Variants in FAT3 observed in about 807,000 individuals in gnomAD.
FAT3 encodes the protein FAT atypical cadherin 3.
FAT3 carries 95 observed loss-of-function variants against 310.2 expected under a neutral mutation model. The observed-to-expected ratio is 0.31, with a 90% CI of 0.26 to 0.36. The LOEUF is 0.36. Ranked by LOEUF, FAT3 falls within the 10% of genes least tolerant of loss-of-function variation. The pLI is 1.00. For missense variants in FAT3, 5,408 were observed against 5,715.6 expected, an observed-to-expected ratio of 0.95 and a Z score of 1.74; for synonymous variants, 2,314 against 2,192.9, an observed-to-expected ratio of 1.06 and a Z score of -1.54.
Position 92,789,970 on chromosome 11 carries a change from GATAATGGCCCAGAATTCTCTCA to G in FAT3, c.4364_4385del (p.Asp1455GlyfsTer6). 1 of 1,613,666 alleles carries G rather than the reference GATAATGGCCCAGAATTCTCTCA, an allele frequency of 6.2e-7. No homozygotes were observed. The highest frequency in any genetic ancestry group is 8.5e-7 in the Non-Finnish European group (1 of 1,179,692). On this transcript the variant is annotated frameshift_variant, in exon 8 of 28. Coordinates refer to ENST00000525166, the MANE Select transcript of FAT3 (RefSeq NM_001367949.2). LOFTEE classifies it high-confidence loss of function. ...ATTTATCAAAGTGCTGGATAATAAT[GATAATGGCCCAGAATTCTCTCA>G]GCCGAATTACGATGTGACAATTTCC...
intron 4 of FAT3, among the ~76,000 whole-genome samples, chr11:92,698,014 T>C (rs2135909031): frequency 1.3e-5 from 2 of 152,254 alleles, no homozygotes; most frequent in Middle Eastern, 6.8e-3. Context: ...AGAAAATAAA[T>C]ATGAAAGAGC....
chr11:92,892,162 G>A lies in FAT3; in HGVS notation c.*1049G>A, dbSNP rs7929576. 50,385 of 152,024 alleles carry A rather than the reference G, an allele frequency of 0.33. 9,482 individuals are homozygous for A. Among genetic ancestry groups the A allele is most frequent in the African/African-American group, 0.49 (20,378 of 41,448 alleles). 9.4% of individuals were successfully genotyped at this position (152,024 alleles called of 1,614,324 possible). A position where few individuals can be genotyped will look rare whatever the true frequency, so the allele number is the denominator to read the frequency against. On this transcript the variant is annotated 3_prime_UTR_variant, in exon 28 of 28. Transcript: ENST00000525166. ...AAAAGAGGAAAGTAGACTAGTTATT[G>A]TGTATAAATTATAATAGTGTGTGTG...
chr11:92,827,351 A>G (rs916307363), intron 13 of FAT3, among the ~76,000 whole-genome samples: 3 of 152,304 alleles, frequency 2.0e-5, no homozygotes, highest in South Asian at 4.1e-4. Context: ...GGGAGCATCC[A>G]CTGGAAATAG....
intron 1 of FAT3, among the ~76,000 whole-genome samples, chr11:92,265,337 C>A (rs1241791098): frequency 3.9e-5 from 6 of 151,996 alleles, no homozygotes; most frequent in African/African-American, 1.4e-4. Context: ...TTTCTTCTCC[C>A]TCCCTTACCC....
Position 92,533,183 on chromosome 11 carries a change from C to T in FAT3, c.3607+8235C>T, listed in dbSNP as rs962832385. Reference sequence around the variant, plus strand: ...AGCTGGGACTACAGGTATGTACCACCGTATCCAGTTATTATTATTATTATT... The same window carrying T: ...AGCTGGGACTACAGGTATGTACCACTGTATCCAGTTATTATTATTATTATT... On this transcript the variant is annotated intron_variant, in intron 3 of 27. Transcript: ENST00000525166. 3.3e-5 allele frequency among the ~76,000 whole-genome samples: 5 copies of T among 152,134 alleles called. No individual in the cohort carries two copies. The East Asian group carries it at 5.8e-4, about 18-fold the overall frequency.
chr11:92,759,862 C>G (rs1946099625), intron 4 of FAT3, among the ~76,000 whole-genome samples: 4 of 152,158 alleles, frequency 2.6e-5, no homozygotes, highest in Admixed American at 2.0e-4. Flanking sequence ...CTCCAGAACA[C>G]TGTCTCAGAG....
At chr11:92,372,274 G>T (rs543931121) in intron 2 of FAT3, among the ~76,000 whole-genome samples, 1 of 151,786 alleles carries the variant, frequency 6.6e-6, no homozygotes, top group African/African-American at 2.4e-5. Context: ...GGATTGGGGG[G>T]CTTCCTTATT....
intron 2 of FAT3, among the ~76,000 whole-genome samples, chr11:92,409,558 A>G (rs1054226365): frequency 2.6e-5 from 4 of 152,116 alleles, no homozygotes; most frequent in Admixed American, 2.6e-4. Context: ...AGCACTTGTC[A>G]GTTGGTGCTA....
intron 2 of FAT3, among the ~76,000 whole-genome samples, chr11:92,381,594 CATTA>C (rs1389348822): frequency 2.0e-5 from 3 of 152,102 alleles, no homozygotes; most frequent in Non-Finnish European, 4.4e-5. Context: ...TAAAACGTAA[CATTA>C]ATTATCCTTC....
intron 2 of FAT3, among the ~76,000 whole-genome samples, chr11:92,409,681 A>AG (rs1950210052): frequency 6.6e-6 from 1 of 152,184 alleles, no homozygotes; most frequent in South Asian, 2.1e-4. Flanking sequence ...CCTTTATTTT[A>AG]GGGCATTGAG....
chr11:92,232,905 G>C (rs912816170), intron 1 of FAT3, among the ~76,000 whole-genome samples: 4 of 152,080 alleles, frequency 2.6e-5, no homozygotes, highest in African/African-American at 7.2e-5. Flanking sequence ...CCTGATGGCA[G>C]AATTTACATT....
intron 3 of FAT3, among the ~76,000 whole-genome samples, chr11:92,598,412 A>G (rs1029542560): frequency 6.6e-6 from 1 of 151,700 alleles, no homozygotes; most frequent in Admixed American, 6.6e-5. Flanking sequence ...TTTTTTAGAG[A>G]TGAGGTCTCA....
chr11:92,232,112 G>T (rs1372809961), intron 1 of FAT3, among the ~76,000 whole-genome samples: 1 of 152,138 alleles, frequency 6.6e-6, no homozygotes, highest in Admixed American at 6.5e-5. Context: ...ATGCTAGGGT[G>T]GATTTTGCAG....
At position 92,353,547 on chromosome 11, in the gene FAT3, G is replaced by A. The variant is rs771137435; in HGVS notation, c.1435G>A (p.Ala479Thr). 4.3e-6 allele frequency: 7 copies of A among 1,613,762 alleles called. No homozygotes were observed. Among genetic ancestry groups the A allele is most frequent in the Non-Finnish European group, 5.9e-6 (7 of 1,179,860 alleles). ...TPEFQQPLYD[A>T]YVNESVPVGT... is the part of the protein sequence containing the mutation. Reference sequence around the variant, plus strand: ...AGAATTTCAGCAACCACTGTATGATGCTTATGTGAATGAAAGTGTCCCAGT... The same window carrying A: ...AGAATTTCAGCAACCACTGTATGATACTTATGTGAATGAAAGTGTCCCAGT... The change falls in exon 2 of 28, where the codon GCT (alanine) becomes ACT (threonine). Residue 479 changes from alanine (A) to threonine (T), a missense_variant. Around this residue, in one of 5 missense-constraint regions of FAT3, gnomAD observed 4,588 missense variants for 4,809.8 expected, o/e 0.95. Transcript: ENST00000525166.
intron 4 of FAT3, among the ~76,000 whole-genome samples, chr11:92,730,162 C>G (rs747864577): frequency 6.6e-6 from 1 of 151,896 alleles, no homozygotes; most frequent in Non-Finnish European, 1.5e-5. Flanking sequence ...ATACTGAGAC[C>G]CCCATCTCTA....
chr11:92,726,823 G>T (rs1454813303), intron 4 of FAT3, among the ~76,000 whole-genome samples: 1 of 151,324 alleles, frequency 6.6e-6, no homozygotes, highest in East Asian at 1.9e-4. Context: ...TGGGCTGACA[G>T]ATTCAACATG....
intron 7 of FAT3, among the ~76,000 whole-genome samples, chr11:92,787,579 A>G (rs927463442): frequency 1.3e-4 from 19 of 151,744 alleles, no homozygotes; most frequent in Non-Finnish European, 2.9e-5. Flanking sequence ...TTAAACCTGT[A>G]TAGCACCTGA....
chr11:92,698,360 A>C (rs1054377040), intron 4 of FAT3, among the ~76,000 whole-genome samples: 2 of 152,164 alleles, frequency 1.3e-5, no homozygotes, highest in African/African-American at 4.8e-5. Flanking sequence ...CTCACCAGTC[A>C]TGATTTATTT....
chr11:92,685,889 C>CTTAT (rs1943623624), intron 3 of FAT3, among the ~76,000 whole-genome samples: 4 of 152,184 alleles, frequency 2.6e-5, no homozygotes, highest in Admixed American at 2.0e-4. Flanking sequence ...TCTTCCCTGA[C>CTTAT]TTATTCAGCA....
Sources: gnomAD v4.1 joint callset for allele counts (sites outside exome capture counted in the v4.1 genomes callset) on GRCh38, gnomAD v4.1.1 for gene constraint, gnomAD v4.1.1 regional missense constraint, MANE v1.5 for transcripts, NCBI Gene and HGNC (gene_info 2026-07-23, HGNC 2026-07-21) for gene names.